RASGRP2: variants seen among roughly 807,000 people sequenced by gnomAD.
RASGRP2 encodes the protein RAS guanyl releasing protein 2.
RASGRP2 carries 44 observed loss-of-function variants against 71.0 expected under a neutral mutation model. The observed-to-expected ratio is 0.62, with a 90% CI of 0.49 to 0.80. RASGRP2 has a LOEUF of 0.80. Ranked by LOEUF, RASGRP2 falls within the 30% of genes least tolerant of loss-of-function variation. The probability of loss-of-function intolerance (pLI) is 0.00; values close to 1 mark genes in which losing one functional copy is unlikely to be tolerated. For missense variants in RASGRP2, 663 were observed against 813.4 expected (o/e 0.82, Z 2.25); for synonymous variants, 350 against 330.7 (o/e 1.06, Z -0.63).
chr11:64,728,752 C>A, intron 15 of RASGRP2, 111 bp downstream of exon 15: 1 of 1,203,032 alleles, frequency 8.3e-7, no homozygotes. Context: ...TTTATTATCC[C>A]ACCACAAAAA....
chr11:64,740,478 A>T, intron 5 of RASGRP2: 1 of 628,488 alleles, frequency 1.6e-6, no homozygotes, highest in Non-Finnish European at 3.0e-6. Context: ...GAAACACATG[A>T]TCACAAAACA....
At position 64,735,417 on chromosome 11, in the gene RASGRP2, C is replaced by A; in HGVS notation, c.1296+125G>T. The A allele has an allele frequency of 3.2e-6, 5 of 1,557,076 alleles. No individual in the cohort carries two copies. In the South Asian group the frequency reaches 4.5e-5, roughly 14 times the overall value. On this transcript the variant is annotated intron_variant, in intron 11 of 16. Transcript: ENST00000394432. This position sits in a 1 kb window ranked among gnomAD's most constrained non-coding sequence, Gnocchi z 4.2. ...CTTCAGCCCCGTGCAGCTGGCCTGC[C>A]AGGCCCTGTGACTCCTAGGGGCTGA...
Position 64,741,504 on chromosome 11 carries a change from G to T in RASGRP2, c.177-3C>A. 1.3e-6 allele frequency: 2 copies of T among 1,576,854 alleles called. No individual in the cohort carries two copies. The highest frequency in any genetic ancestry group is 2.3e-5 in the East Asian group (1 of 43,578). ...TGTCCTTCCGGGATTGTTGGTAGGTGAAGGAGAGGGTTAAGGAGGCCGCTT... is the reference window on the plus strand; with the variant it reads ...TGTCCTTCCGGGATTGTTGGTAGGTTAAGGAGAGGGTTAAGGAGGCCGCTT... On this transcript the variant is annotated splice_polypyrimidine_tract_variant and splice_region_variant and intron_variant, in intron 3 of 16. Coordinates refer to ENST00000394432, the MANE Select transcript of RASGRP2 (RefSeq NM_001098671.2).
chr11:64,736,608 C>T, intron 9 of RASGRP2, 145 bp downstream of exon 9: 1 of 884,518 alleles, frequency 1.1e-6, no homozygotes, highest in Non-Finnish European at 1.7e-6. Flanking sequence ...CCCTTCTCAG[C>T]ATCCACTCCA....
In RASGRP2 at chr11:64,735,291, G is replaced by T; in HGVS notation, c.1297-64C>A. The T allele has an allele frequency of 7.2e-7, 1 of 1,395,874 alleles. No individual in the cohort carries two copies. Among genetic ancestry groups the T allele is most frequent in the Non-Finnish European group, 1.0e-6 (1 of 984,568 alleles). The allele number at this position is 1,395,874 out of a possible 1,614,324, so 86.5% of individuals were successfully genotyped here. A position where few individuals can be genotyped will look rare whatever the true frequency, so the allele number is the denominator to read the frequency against. On this transcript the variant is annotated intron_variant, in intron 11 of 16. Coordinates refer to ENST00000394432, the MANE Select transcript of RASGRP2 (RefSeq NM_001098671.2). The surrounding 1 kb of genome is among the most constrained non-coding windows in gnomAD (Gnocchi z 4.2). Reference sequence around the variant, plus strand: ...GAGAGTAAAGGGGACATCAGGTCCTGTCCCTTCCCACGTTCCCAGTCCATT... The same window carrying T: ...GAGAGTAAAGGGGACATCAGGTCCTTTCCCTTCCCACGTTCCCAGTCCATT...
intron 4 of RASGRP2, 114 bp downstream of exon 4, chr11:64,741,325 G>T: frequency 7.9e-7 from 1 of 1,259,472 alleles, no homozygotes; most frequent in Non-Finnish European, 1.1e-6. Flanking sequence ...ACCCGGACAA[G>T]CCAGGGTTCA....
intron 14 of RASGRP2, 127 bp from the exon 15 acceptor site, chr11:64,729,169 T>C: frequency 2.1e-6 from 2 of 943,614 alleles, no homozygotes; most frequent in Admixed American, 4.0e-5. Context: ...AAAATAAGAG[T>C]CTCCTTCCAA....
chr11:64,743,909 C>T lies in RASGRP2; in HGVS notation c.-72+94G>A. ...GGCGTCCGCACTTACACGCACCGGGCCACAGGCACCGGCCTCCCATCCTCC... is the reference window on the plus strand; with the variant it reads ...GGCGTCCGCACTTACACGCACCGGGTCACAGGCACCGGCCTCCCATCCTCC... On this transcript the variant is annotated intron_variant, in intron 1 of 16. Coordinates refer to ENST00000394432, the MANE Select transcript of RASGRP2 (RefSeq NM_001098671.2). This position sits in a 1 kb window ranked among gnomAD's most constrained non-coding sequence, Gnocchi z 4.9. The T allele has an allele frequency of 1.1e-6, 1 of 908,662 alleles. No homozygotes were observed. Among genetic ancestry groups the T allele is most frequent in the Non-Finnish European group, 1.3e-6 (1 of 749,950 alleles). 56.3% of individuals were successfully genotyped at this position (908,662 alleles called of 1,614,324 possible).
At chr11:64,730,320 A>G in intron 12 of RASGRP2, 126 bp from the exon 13 acceptor site, 1 of 1,260,092 alleles carries the variant, frequency 7.9e-7, no homozygotes. Context: ...GTTGCAGAGT[A>G]AAGAAAAGGC....
In RASGRP2 at chr11:64,742,680, G is replaced by A; in HGVS notation, c.73+114C>T. ...TTTCGTTAAAGAGACTGCACGCTGC[G>A]GAGCAGGGTGGGTCCGGGTCAGGGC... On this transcript the variant is annotated intron_variant, in intron 2 of 16. Transcript: ENST00000394432. This position sits in a 1 kb window ranked among gnomAD's most constrained non-coding sequence, Gnocchi z 4.7. The A allele has an allele frequency of 1.4e-6, 2 of 1,382,096 alleles. No homozygotes were observed. Among genetic ancestry groups the A allele is most frequent in the East Asian group, 2.5e-5 (1 of 40,104 alleles). The allele number at this position is 1,382,096 out of a possible 1,614,324, so 85.6% of individuals were successfully genotyped here. A position where few individuals can be genotyped will look rare whatever the true frequency, so the allele number is the denominator to read the frequency against.
intron 4 of RASGRP2, among the ~76,000 whole-genome samples, 154 bp downstream of exon 4, chr11:64,741,285 G>A (rs556233062): frequency 6.6e-6 from 1 of 152,362 alleles, no homozygotes; most frequent in African/African-American, 2.4e-5. Context: ...CCCAGACCCA[G>A]GAAGGGGTGA....
chr11:64,742,740 G>A lies in RASGRP2; in HGVS notation c.73+54C>T. 2 of 1,563,716 alleles carry A rather than the reference G, an allele frequency of 1.3e-6. No homozygotes were observed. Among genetic ancestry groups the A allele is most frequent in the Admixed American group, 1.9e-5 (1 of 52,764 alleles). On this transcript the variant is annotated intron_variant, in intron 2 of 16. Transcript: ENST00000394432. This position sits in a 1 kb window ranked among gnomAD's most constrained non-coding sequence, Gnocchi z 4.7. The stretch of plus-strand genomic sequence containing the variant: ...GACTGTGCCTGGGAGGCAGGGACCC[G>A]GGCTCAGACTCGGGGCTAGGCTCAG...
At chr11:64,728,842 T>G in intron 15 of RASGRP2, 21 bp downstream of exon 15, 1 of 1,594,698 alleles carries the variant, frequency 6.3e-7, no homozygotes, top group Non-Finnish European at 8.6e-7. Flanking sequence ...CACAGGCCAG[T>G]ACAGAATGAC....
At position 64,739,578 on chromosome 11, in the gene RASGRP2, G is replaced by A; in HGVS notation, c.696+58C>T. The A allele has an allele frequency of 6.2e-7, 1 of 1,612,142 alleles. No homozygotes were observed. The highest frequency in any genetic ancestry group is 2.2e-5 in the East Asian group (1 of 44,868). The stretch of plus-strand genomic sequence containing the variant: ...AGGCAGTGGGTTAGGGGAAGGGAAG[G>A]GTTGGCCTGACTGGCATGTGGGGTG... On this transcript the variant is annotated intron_variant, in intron 7 of 16. Transcript: ENST00000394432. This position sits in a 1 kb window ranked among gnomAD's most constrained non-coding sequence, Gnocchi z 4.2.
At position 64,735,352 on chromosome 11, in the gene RASGRP2, C is replaced by T; in HGVS notation, c.1297-125G>A. The T allele has an allele frequency of 1.6e-6, 2 of 1,272,826 alleles. No individual in the cohort carries two copies. The highest frequency in any genetic ancestry group is 3.6e-5 in the Admixed American group (2 of 56,104). 78.8% of individuals were successfully genotyped at this position (1,272,826 alleles called of 1,614,324 possible). On this transcript the variant is annotated intron_variant, in intron 11 of 16. Coordinates refer to ENST00000394432, the MANE Select transcript of RASGRP2 (RefSeq NM_001098671.2). This position sits in a 1 kb window ranked among gnomAD's most constrained non-coding sequence, Gnocchi z 4.2. ...TGTCTCAGAGAGGTCTCTGACACCA[C>T]CCCCGTTCCATACCTCCACCCCCAC...
rs746466584 is a variant in RASGRP2 at position 64,741,392 on chromosome 11, G to A, written c.239+47C>T. 6 of 1,489,656 alleles carry A rather than the reference G, an allele frequency of 4.0e-6. No homozygotes were observed. The African/African-American group carries it at 8.4e-5, about 21-fold the overall frequency. 92.3% of individuals were successfully genotyped at this position (1,489,656 alleles called of 1,614,324 possible). A position where few individuals can be genotyped will look rare whatever the true frequency, so the allele number is the denominator to read the frequency against. ...TCCTCCAGGCCAGCCTGAAGCCAGA[G>A]AGAAGGGAGAAAGGGGAGGGGCTAG... On this transcript the variant is annotated intron_variant, in intron 4 of 16. Coordinates refer to ENST00000394432, the MANE Select transcript of RASGRP2 (RefSeq NM_001098671.2).
In RASGRP2 at chr11:64,739,602, T is replaced by C; in HGVS notation, c.696+34A>G. ...GGGTTGGCCTGACTGGCATGTGGGG[T>C]GGTTGGGAGACACCGGGAGGGAGGG... On this transcript the variant is annotated intron_variant, in intron 7 of 16. Coordinates refer to ENST00000394432, the MANE Select transcript of RASGRP2 (RefSeq NM_001098671.2). The surrounding 1 kb of genome is among the most constrained non-coding windows in gnomAD (Gnocchi z 4.2). 2 of 1,611,692 alleles carry C rather than the reference T, an allele frequency of 1.2e-6. No homozygotes were observed. The highest frequency in any genetic ancestry group is 1.7e-6 in the Non-Finnish European group (2 of 1,178,542).
chr11:64,743,487 G>A lies in RASGRP2; in HGVS notation c.-72+516C>T, dbSNP rs957904254. The A allele has an allele frequency of 4.6e-5, 16 of 350,230 alleles. No individual in the cohort carries two copies. The highest frequency in any genetic ancestry group is 8.4e-5 in the East Asian group (1 of 11,884). 21.7% of individuals were successfully genotyped at this position (350,230 alleles called of 1,614,324 possible). On this transcript the variant is annotated intron_variant, in intron 1 of 16. Coordinates refer to ENST00000394432, the MANE Select transcript of RASGRP2 (RefSeq NM_001098671.2). This position sits in a 1 kb window ranked among gnomAD's most constrained non-coding sequence, Gnocchi z 4.9. Reference sequence around the variant, plus strand: ...GCGGGGCTGCGGCAGCCCCCAGGGGGCCTGCCCTAGGGGAGGCGGACTGGA... The same window carrying A: ...GCGGGGCTGCGGCAGCCCCCAGGGGACCTGCCCTAGGGGAGGCGGACTGGA...
In RASGRP2 at chr11:64,740,161, G is replaced by A; in HGVS notation, c.374C>T (p.Pro125Leu). 6.2e-7 allele frequency: 1 copy of A among 1,614,088 alleles called. No individual in the cohort carries two copies. Among genetic ancestry groups the A allele is most frequent in the South Asian group, 1.1e-5 (1 of 91,074 alleles). Residue 125 changes from proline (P) to leucine (L), a missense_variant and splice_region_variant, in exon 6 of 17, where the codon CCT becomes CTT. Physicochemically the swap from Pro to Leu is moderately conservative, Grantham distance 98. Coordinates refer to ENST00000394432, the MANE Select transcript of RASGRP2 (RefSeq NM_001098671.2). ...CACCTGCCGCTTCCACTTGTAGGTAGGGCTGGGGGGGCAGGGGTAGTGAGC... is the reference window on the plus strand; with the variant it reads ...CACCTGCCGCTTCCACTTGTAGGTAAGGCTGGGGGGGCAGGGGTAGTGAGC... ...HSSLIDIDSV[P>L]TYKWKRQVTQ... is the part of the protein sequence containing the mutation.
Sources: gnomAD v4.1 joint callset for allele counts (sites outside exome capture counted in the v4.1 genomes callset) on GRCh38, gnomAD v4.1.1 for gene constraint, Gnocchi (gnomAD v3.1) non-coding constraint, MANE v1.5 for transcripts, NCBI Gene and HGNC (gene_info 2026-07-23, HGNC 2026-07-21) for gene names.